CBX7: variants seen among roughly 807,000 people sequenced by gnomAD.
CBX7 encodes chromobox 7, also known as chromobox protein homolog 7.
Under a neutral mutation model 31.4 loss-of-function variants are expected in CBX7, and 14 were observed. The observed-to-expected ratio is 0.45, with a 90% CI of 0.29 to 0.70. CBX7 has a LOEUF of 0.70. Ranked by LOEUF, CBX7 falls within the 30% of genes least tolerant of loss-of-function variation. The pLI, the probability that CBX7 is intolerant of heterozygous loss-of-function variation, is 0.11. For missense variants in CBX7, 269 were observed against 351.9 expected, an observed-to-expected ratio of 0.76 and a Z score of 1.89; for synonymous variants, 159 against 152.6, an observed-to-expected ratio of 1.04 and a Z score of -0.31.
At position 39,134,504 on chromosome 22, in the gene CBX7, G is replaced by C; in HGVS notation, c.495C>G (p.Ser165Arg). The C allele has an allele frequency of 6.2e-7, 1 of 1,612,002 alleles. No individual in the cohort carries two copies. The highest frequency in any genetic ancestry group is 1.7e-4 in the Middle Eastern group (1 of 6,028). The change falls in exon 5 of 6, where the codon AGC (serine) becomes AGG (arginine). Residue 165 changes from serine to arginine, a missense_variant. This residue lies in a region of CBX7 where 222 missense variants were observed against 240.4 expected (regional missense o/e 0.92). Coordinates refer to ENST00000216133, the MANE Select transcript of CBX7 (RefSeq NM_175709.5). ...GGAAGAGCTCCCGTCGATGGCTGTG[G>C]CTCTCCAGGTTGGGCCCGCGGGGCG... ...KFPPRGPNLE[S>R]HSHRRELFLQ...
chr22:39,136,600 C>G (rs759595423), intron 4 of CBX7: 1 of 152,452 alleles, frequency 6.6e-6, no homozygotes, highest in African/African-American at 2.4e-5. Flanking sequence ...CTGGTCGAGC[C>G]TGCAGATGAC....
chr22:39,145,662 CGGCCGCGCGCACGCACGCACGGGGAG>C (rs1315876797), intron 2 of CBX7, among the ~76,000 whole-genome samples: 1 of 150,266 alleles, frequency 6.7e-6, no homozygotes, highest in Non-Finnish European at 1.5e-5. Context: ...CCGCCCCCGC[CGGCCGCGCGCACGCACGCACGGGGAG>C]GGGCGCGCGC....
At chr22:39,143,825 G>A (rs1473453995) in intron 2 of CBX7, among the ~76,000 whole-genome samples, 1 of 151,274 alleles carries the variant, frequency 6.6e-6, no homozygotes, top group African/African-American at 2.4e-5. Flanking sequence ...GCCCAGGCGT[G>A]CAGTGGGTTG....
Position 39,141,373 on chromosome 22 carries a change from C to T in CBX7, c.177G>A (p.Glu59=). 6.2e-7 allele frequency: 1 copy of T among 1,611,526 alleles called. No individual in the cohort carries two copies. The highest frequency in any genetic ancestry group is 8.5e-7 in the Non-Finnish European group (1 of 1,179,162). ...LDPRLVMAYE[E]KEERDRASGY... is the part of the protein sequence containing the mutation. ...CGGCGGTGCCGAGGACACCGTACTT[C>T]TCCTCGTAGGCCATGACGAGGCGGG... is the stretch of plus-strand genomic sequence containing the variant. Residue 59 remains glutamate, a splice_region_variant and synonymous_variant, in exon 3 of 6, where the codon GAG becomes GAA. Transcript: ENST00000216133.
intron 4 of CBX7, 154 bp from the exon 5 acceptor site, chr22:39,134,906 AC>A: frequency 1.7e-6 from 1 of 585,424 alleles, no homozygotes; most frequent in Non-Finnish European, 2.9e-6. Context: ...ACCCCACCCC[AC>A]CCCAGCCCAG....
intron 4 of CBX7, chr22:39,136,555 C>G (rs780730406): frequency 1.3e-5 from 2 of 152,452 alleles, no homozygotes; most frequent in Non-Finnish European, 2.9e-5. Context: ...CTCGATGGCA[C>G]GTGAGCAGCC....
intron 3 of CBX7, among the ~76,000 whole-genome samples, chr22:39,140,723 C>A (rs1930422864): frequency 6.9e-6 from 1 of 144,278 alleles, no homozygotes; most frequent in African/African-American, 2.6e-5. Flanking sequence ...ACCTGGGCTG[C>A]CTGCTGGTGG....
At chr22:39,143,167 T>A (rs1930519565) in intron 2 of CBX7, among the ~76,000 whole-genome samples, 1 of 151,986 alleles carries the variant, frequency 6.6e-6, no homozygotes, top group South Asian at 2.1e-4. Context: ...GGTGGGAGAA[T>A]CGCTTGAACC....
chr22:39,144,034 G>A (rs1333789187), intron 2 of CBX7, among the ~76,000 whole-genome samples: 1 of 152,224 alleles, frequency 6.6e-6, no homozygotes, highest in African/African-American at 2.4e-5. Flanking sequence ...TTAGCGAGGG[G>A]TTAAAAGGCA....
intron 4 of CBX7, among the ~76,000 whole-genome samples, chr22:39,137,957 G>A (rs922621706): frequency 5.3e-5 from 8 of 152,064 alleles, no homozygotes; most frequent in Non-Finnish European, 1.2e-4. Context: ...CAAGCCGGGC[G>A]GATCATGAGG....
At position 39,152,377 on chromosome 22, in the gene CBX7, T is replaced by C; in HGVS notation, c.68A>G (p.Lys23Arg). 1 of 1,394,964 alleles carries C rather than the reference T, an allele frequency of 7.2e-7. No homozygotes were observed. The allele number at this position is 1,394,964 out of a possible 1,614,324, so 86.4% of individuals were successfully genotyped here. ...VESIRKKRVR[K>R]GKVEYLVKWK... ...GGAGCCGCCCCCGGGCAGCCTCACC[T>C]TCCGCACGCGCTTCTTCCGGATGCT... The change falls in exon 1 of 6, where the codon AAG becomes AGG. Residue 23 changes from lysine (K) to arginine (R), a missense_variant and splice_region_variant. Around this residue, in one of 2 missense-constraint regions of CBX7, gnomAD observed 47 missense variants for 111.5 expected, o/e 0.42. Transcript: ENST00000216133. The surrounding 1 kb of genome is among the most constrained non-coding windows in gnomAD (Gnocchi z 4.9).
Position 39,134,490 on chromosome 22 carries a change from C to A in CBX7, c.509G>T (p.Arg170Leu). ...CGGTGGCTCCTGCAGGAAGAGCTCC[C>A]GTCGATGGCTGTGGCTCTCCAGGTT... is the stretch of plus-strand genomic sequence containing the variant. Reference protein sequence around the residue: ...GPNLESHSHRRELFLQEPPAP... With the variant: ...GPNLESHSHRLELFLQEPPAP... Residue 170 changes from arginine to leucine, a missense_variant, in exon 5 of 6, where the codon CGG (arginine) becomes CTG (leucine). Around this residue, in one of 2 missense-constraint regions of CBX7, gnomAD observed 222 missense variants for 240.4 expected, o/e 0.92. Coordinates refer to ENST00000216133, the MANE Select transcript of CBX7 (RefSeq NM_175709.5). The A allele has an allele frequency of 6.2e-7, 1 of 1,611,118 alleles. No homozygotes were observed. The highest frequency in any genetic ancestry group is 8.5e-7 in the Non-Finnish European group (1 of 1,179,840).
chr22:39,138,052 G>A (rs1011887279), intron 4 of CBX7, among the ~76,000 whole-genome samples: 2 of 152,104 alleles, frequency 1.3e-5, no homozygotes, highest in Admixed American at 6.5e-5. Flanking sequence ...GTGGTGGCGG[G>A]CGCCTGTAGT....
chr22:39,149,039 C>CCTCCCG (rs1236201878), intron 2 of CBX7: 3 of 152,340 alleles, frequency 2.0e-5, no homozygotes, highest in South Asian at 2.1e-4. Flanking sequence ...TAGCTCATTC[C>CCTCCCG]CTCCCAACAA....
intron 1 of CBX7, among the ~76,000 whole-genome samples, chr22:39,151,328 A>G (rs1930843750): frequency 6.6e-6 from 1 of 152,186 alleles, no homozygotes; most frequent in Admixed American, 6.5e-5. Context: ...GACCACCTTG[A>G]CCTTCACCCT....
intron 2 of CBX7, 106 bp downstream of exon 2, chr22:39,149,683 G>T: frequency 1.1e-6 from 1 of 895,850 alleles, no homozygotes. Context: ...CCAGTTACAA[G>T]AGTAGCTGGA....
chr22:39,140,755 C>T (rs1930425481), intron 3 of CBX7, among the ~76,000 whole-genome samples: 1 of 152,130 alleles, frequency 6.6e-6, no homozygotes, highest in South Asian at 2.1e-4. Context: ...AGAGAGGGCA[C>T]ACAGAACTGT....
In CBX7 at chr22:39,143,307, A is replaced by G. The variant is rs1003432008; in HGVS notation, c.114-1871T>C. 5.3e-5 allele frequency among the ~76,000 whole-genome samples: 8 copies of G among 151,994 alleles called. 1 individual carries two copies. In the South Asian group the frequency reaches 1.4e-3, roughly 28 times the overall value. ...TTATTTTAAAATTAAAAAAAACTTT[A>G]AAAGTAAAATAAATTAAACTTTTTT... On this transcript the variant is annotated intron_variant, in intron 2 of 5. Coordinates refer to ENST00000216133, the MANE Select transcript of CBX7 (RefSeq NM_175709.5).
intron 2 of CBX7, among the ~76,000 whole-genome samples, chr22:39,146,375 TC>T (rs1364697312): frequency 6.6e-6 from 1 of 152,200 alleles, no homozygotes; most frequent in African/African-American, 2.4e-5. Context: ...TGTTAATGAA[TC>T]TTGTCTTGTC....
Sources: allele counts gnomAD v4.1 joint callset (sites outside exome capture counted in the v4.1 genomes callset), GRCh38; gene constraint gnomAD v4.1.1; regional missense constraint gnomAD v4.1.1; non-coding constraint Gnocchi (gnomAD v3.1); transcripts MANE v1.5; gene names NCBI Gene and HGNC (gene_info 2026-07-23, HGNC 2026-07-21).